TMEM132C: variants seen among roughly 807,000 people sequenced by gnomAD.
TMEM132C encodes the protein protein phosphatase 1, regulatory subunit 152.
Under a neutral mutation model 61.4 loss-of-function variants are expected in TMEM132C, and 29 were observed. The ratio of observed to expected loss-of-function variants is 0.47; its 90% CI spans 0.35 to 0.64. The LOEUF (loss-of-function observed/expected upper bound fraction) is 0.64. TMEM132C is among the 30% of genes least tolerant of loss of function. The pLI, the probability that TMEM132C is intolerant of heterozygous loss-of-function variation, is 0.00. For missense variants in TMEM132C, 1,408 were observed against 1,476.9 expected, an observed-to-expected ratio of 0.95 and a Z score of 0.76; for synonymous variants, 656 against 633.1, an observed-to-expected ratio of 1.04 and a Z score of -0.54.
chr12:128,418,848 T>A, intron 2 of TMEM132C, among the ~76,000 whole-genome samples: 1 of 152,206 alleles, frequency 6.6e-6, no homozygotes, highest in East Asian at 1.9e-4. Context: ...GCCAGAGTCT[T>A]TTTAGTGTCC....
At chr12:128,482,087 AG>A (rs1362030695) in intron 2 of TMEM132C, among the ~76,000 whole-genome samples, 1 of 152,140 alleles carries the variant, frequency 6.6e-6, no homozygotes, top group African/African-American at 2.4e-5. Flanking sequence ...TAGTTTATTG[AG>A]AGTTTTTAGC....
intron 2 of TMEM132C, among the ~76,000 whole-genome samples, chr12:128,457,233 G>A (rs1052279513): frequency 1.3e-5 from 2 of 150,816 alleles, no homozygotes; most frequent in Admixed American, 6.6e-5. Flanking sequence ...ACACCACTTG[G>A]CACTACCACC....
rs1235284273 is a variant in TMEM132C at position 128,267,601 on chromosome 12, T to C, written c.85+114T>C. ...GTGCGGCGGGGGCCTCGGCGGGGGC[T>C]CGGATCCCATCAACAGCGCCTCTGC... On this transcript the variant is annotated intron_variant, in intron 1 of 8. Transcript: ENST00000435159. The C allele has an allele frequency of 1.1e-4, 90 of 854,356 alleles. No individual in the cohort carries two copies. The East Asian group carries it at 2.3e-3, about 21-fold the overall frequency. The allele number at this position is 854,356 out of a possible 1,614,324, so 52.9% of individuals were successfully genotyped here. A position where few individuals can be genotyped will look rare whatever the true frequency, so the allele number is the denominator to read the frequency against.
chr12:128,358,677 T>C (rs1172965069), intron 1 of TMEM132C, among the ~76,000 whole-genome samples: 1 of 152,124 alleles, frequency 6.6e-6, no homozygotes, highest in Non-Finnish European at 1.5e-5. Context: ...AGGTGAGACC[T>C]TGGAGAGCTC....
intron 4 of TMEM132C, among the ~76,000 whole-genome samples, chr12:128,639,001 G>C (rs1297906383): frequency 1.1e-5 from 1 of 91,138 alleles, no homozygotes; most frequent in African/African-American, 3.8e-5. Context: ...GGTGATGGTG[G>C]TGATGATGAT....
intron 1 of TMEM132C, among the ~76,000 whole-genome samples, chr12:128,310,779 A>G (rs1871941268): frequency 6.6e-6 from 1 of 152,206 alleles, no homozygotes; most frequent in Non-Finnish European, 1.5e-5. Flanking sequence ...GGGTACGAGC[A>G]TATGGTGGGA....
intron 4 of TMEM132C, among the ~76,000 whole-genome samples, chr12:128,668,187 G>A (rs1954497779): frequency 6.6e-6 from 1 of 152,006 alleles, no homozygotes; most frequent in Admixed American, 6.6e-5. Flanking sequence ...GGCCAAGGTG[G>A]GAGGATCACT....
chr12:128,343,129 G>T (rs2135955955), intron 1 of TMEM132C, among the ~76,000 whole-genome samples: 1 of 152,118 alleles, frequency 6.6e-6, no homozygotes, highest in Non-Finnish European at 1.5e-5. Flanking sequence ...CATCCGGGGA[G>T]TTAAAACGAG....
At chr12:128,427,167 T>G (rs1389541065) in intron 2 of TMEM132C, among the ~76,000 whole-genome samples, 2 of 152,112 alleles carry the variant, frequency 1.3e-5, no homozygotes, top group African/African-American at 4.8e-5. Context: ...CCTGCACCAT[T>G]TATGTCTTGA....
At chr12:128,396,296 T>TA (rs1205477081) in intron 1 of TMEM132C, among the ~76,000 whole-genome samples, 1 of 151,340 alleles carries the variant, frequency 6.6e-6, no homozygotes, top group Non-Finnish European at 1.5e-5. Context: ...CTAATAATAG[T>TA]AAAAAAATAA....
intron 1 of TMEM132C, among the ~76,000 whole-genome samples, chr12:128,391,782 T>C (rs996459901): frequency 3.3e-5 from 5 of 152,210 alleles, no homozygotes; most frequent in African/African-American, 1.2e-4. Context: ...TCAGAGCCTG[T>C]GCATTTTGTC....
intron 1 of TMEM132C, among the ~76,000 whole-genome samples, chr12:128,283,799 C>T (rs964388978): frequency 1.3e-5 from 2 of 152,108 alleles, no homozygotes; most frequent in African/African-American, 4.8e-5. Context: ...CTGCCTTCCC[C>T]ATCTCAGTCC....
At chr12:128,527,983 G>T (rs1273784648) in intron 2 of TMEM132C, among the ~76,000 whole-genome samples, 1 of 152,150 alleles carries the variant, frequency 6.6e-6, no homozygotes, top group African/African-American at 2.4e-5. Context: ...CAATGAAGCT[G>T]CTAGGAGATT....
At chr12:128,490,863 C>G (rs1215636476) in intron 2 of TMEM132C, among the ~76,000 whole-genome samples, 1 of 152,156 alleles carries the variant, frequency 6.6e-6, no homozygotes, top group East Asian at 1.9e-4. Flanking sequence ...TCATTAGTAG[C>G]ACTCTCCAGC....
intron 1 of TMEM132C, among the ~76,000 whole-genome samples, chr12:128,347,083 T>C (rs1028601171): frequency 3.3e-5 from 5 of 152,150 alleles, no homozygotes; most frequent in Non-Finnish European, 7.4e-5. Context: ...TTCCCTCTTA[T>C]CCTTCCCCCT....
chr12:128,303,710 T>A (rs1871670576), intron 1 of TMEM132C, among the ~76,000 whole-genome samples: 1 of 152,174 alleles, frequency 6.6e-6, no homozygotes, highest in Non-Finnish European at 1.5e-5. Context: ...GGCTTGACAT[T>A]TTTCAGCTCT....
intron 3 of TMEM132C, among the ~76,000 whole-genome samples, chr12:128,597,318 A>G (rs1053958419): frequency 1.4e-5 from 2 of 145,922 alleles, no homozygotes; most frequent in East Asian, 3.9e-4. Context: ...CATCTCTACT[A>G]AAAAAAAAAA....
At chr12:128,493,117 C>T (rs1326633411) in intron 2 of TMEM132C, among the ~76,000 whole-genome samples, 2 of 152,126 alleles carry the variant, frequency 1.3e-5, no homozygotes. Context: ...ATCCTTTCCC[C>T]ATTTCTTGTT....
chr12:128,584,818 T>C (rs934778787), intron 3 of TMEM132C, among the ~76,000 whole-genome samples: 1 of 152,190 alleles, frequency 6.6e-6, no homozygotes, highest in African/African-American at 2.4e-5. Flanking sequence ...TTTGCTGTCC[T>C]CCACATGGCT....
Sources: allele counts gnomAD v4.1 joint callset (sites outside exome capture counted in the v4.1 genomes callset), GRCh38; gene constraint gnomAD v4.1.1; transcripts MANE v1.5; gene names NCBI Gene and HGNC (gene_info 2026-07-23, HGNC 2026-07-21).